The following CCDC102B variants were observed in gnomAD, a reference collection of about 807,000 sequenced individuals.
The protein encoded by CCDC102B is coiled-coil domain-containing protein 102B.
In CCDC102B, 75 loss-of-function variants were observed where a neutral mutation model predicts 57.4. The ratio of observed to expected loss-of-function variants is 1.31; its 90% CI spans 1.08 to 1.58. CCDC102B has a LOEUF of 1.58. Ranked by LOEUF, CCDC102B falls within the 40% of genes most tolerant of loss-of-function variation. CCDC102B has a pLI of 0.00. For missense variants in CCDC102B, 636 were observed against 582.6 expected (o/e 1.09, Z -0.94); for synonymous variants, 206 against 201.9 (o/e 1.02, Z -0.17).
At chr18:68,916,097 A>G (rs944326294) in intron 6 of CCDC102B, among the ~76,000 whole-genome samples, 2 of 152,172 alleles carry the variant, frequency 1.3e-5, no homozygotes. Flanking sequence ...CATGTAGTCA[A>G]CAAACATTTT....
intron 6 of CCDC102B, among the ~76,000 whole-genome samples, chr18:68,947,532 A>C (rs973443046): frequency 1.3e-5 from 2 of 152,046 alleles, no homozygotes; most frequent in African/African-American, 4.8e-5. Flanking sequence ...CTAGATCTCT[A>C]ATTTTTATGC....
intron 1 of CCDC102B, among the ~76,000 whole-genome samples, chr18:68,807,801 A>C (rs2036086539): frequency 6.6e-6 from 1 of 152,280 alleles, no homozygotes; most frequent in Non-Finnish European, 1.5e-5. Flanking sequence ...TTTCTAGTTA[A>C]ATTTTTTATT....
At chr18:68,842,036 G>A (rs1170948345) in intron 3 of CCDC102B, among the ~76,000 whole-genome samples, 2 of 152,056 alleles carry the variant, frequency 1.3e-5, no homozygotes, top group African/African-American at 4.8e-5. Context: ...ACTGCGCCCA[G>A]CCCATTTTGT....
At chr18:68,893,473 T>G (rs1388065176) in intron 5 of CCDC102B, among the ~76,000 whole-genome samples, 1 of 152,160 alleles carries the variant, frequency 6.6e-6, no homozygotes, top group Non-Finnish European at 1.5e-5. Context: ...GTAACTGGAT[T>G]CTTTTAGAGT....
At chr18:68,914,841 C>G (rs1261623461) in intron 6 of CCDC102B, among the ~76,000 whole-genome samples, 3 of 152,278 alleles carry the variant, frequency 2.0e-5, no homozygotes, top group African/African-American at 7.2e-5. Context: ...GAACTCAACT[C>G]TCATTTATAT....
chr18:69,043,585 T>C (rs2052486446), intron 7 of CCDC102B, among the ~76,000 whole-genome samples: 1 of 152,130 alleles, frequency 6.6e-6, no homozygotes, highest in Admixed American at 6.6e-5. Flanking sequence ...TTAAGGAGCA[T>C]GCTGCCTTCA....
At chr18:68,872,211 G>A (rs2039265360) in intron 4 of CCDC102B, among the ~76,000 whole-genome samples, 1 of 152,290 alleles carries the variant, frequency 6.6e-6, no homozygotes, top group East Asian at 1.9e-4. Flanking sequence ...TAGAGGTGTT[G>A]AGTAGGAAGT....
At chr18:68,953,996 C>T (rs938164981) in intron 6 of CCDC102B, among the ~76,000 whole-genome samples, 2 of 150,978 alleles carry the variant, frequency 1.3e-5, no homozygotes, top group African/African-American at 2.4e-5. Context: ...ACTGGAGAGA[C>T]CATGTTATGT....
At chr18:68,993,459 C>T (rs1486031707) in intron 6 of CCDC102B, 1 of 152,210 alleles carries the variant, frequency 6.6e-6, no homozygotes, top group Non-Finnish European at 1.5e-5. Context: ...CATTTCTTCC[C>T]TCTTTTCCTG....
At chr18:68,733,478 T>TTA (rs1301629816) in intron 2 of CCDC102B, among the ~76,000 whole-genome samples, 6 of 25,142 alleles carry the variant, frequency 2.4e-4, no homozygotes, top group African/African-American at 8.1e-4. Flanking sequence ...TTAGACAACT[T>TTA]TATATATATA....
At chr18:68,805,112 A>G (rs2035986870) in intron 1 of CCDC102B, among the ~76,000 whole-genome samples, 1 of 152,212 alleles carries the variant, frequency 6.6e-6, no homozygotes, top group South Asian at 2.1e-4. Context: ...CATAGATATG[A>G]TGGAACCAGT....
At chr18:68,893,799 TAC>T (rs2040155839) in intron 5 of CCDC102B, among the ~76,000 whole-genome samples, 1 of 152,150 alleles carries the variant, frequency 6.6e-6, no homozygotes, top group Non-Finnish European at 1.5e-5. Flanking sequence ...ATCACAATAT[TAC>T]AGTTTTTACA....
intron 6 of CCDC102B, among the ~76,000 whole-genome samples, chr18:68,945,418 G>A (rs1436722082): frequency 6.6e-6 from 1 of 151,942 alleles, no homozygotes; most frequent in Non-Finnish European, 1.5e-5. Flanking sequence ...CTTACCATGA[G>A]CAGCTCAAAA....
chr18:68,729,694 A>G, intron 2 of CCDC102B, among the ~76,000 whole-genome samples: 1 of 152,226 alleles, frequency 6.6e-6, no homozygotes, highest in Non-Finnish European at 1.5e-5. Flanking sequence ...GCAAAACATG[A>G]AAGTCTTGAT....
At chr18:68,848,176 G>A (rs2037960662) in intron 4 of CCDC102B, among the ~76,000 whole-genome samples, 1 of 151,796 alleles carries the variant, frequency 6.6e-6, no homozygotes, top group African/African-American at 2.4e-5. Context: ...TGTAGCACAA[G>A]TATAAGAGTA....
chr18:69,015,641 C>T (rs2051644033), intron 7 of CCDC102B, among the ~76,000 whole-genome samples: 1 of 152,038 alleles, frequency 6.6e-6, no homozygotes, highest in Non-Finnish European at 1.5e-5. Flanking sequence ...GTCCTCTGTA[C>T]TGTAGAGAGA....
intron 2 of CCDC102B, among the ~76,000 whole-genome samples, chr18:68,739,397 C>G (rs956102857): frequency 5.3e-5 from 8 of 152,176 alleles, no homozygotes; most frequent in Non-Finnish European, 7.3e-5. Flanking sequence ...TGCTTTTACT[C>G]ACCCCATCCC....
At chr18:68,977,377 T>C (rs2050465920) in intron 6 of CCDC102B, among the ~76,000 whole-genome samples, 1 of 151,942 alleles carries the variant, frequency 6.6e-6, no homozygotes, top group African/African-American at 2.4e-5. Flanking sequence ...CAACCCACCA[T>C]TTACATTAAG....
intron 6 of CCDC102B, among the ~76,000 whole-genome samples, chr18:68,999,603 TTTTGTTTGTTTGTTTG>T (rs143073155): frequency 0.021 from 3,142 of 151,936 alleles, 106 homozygotes; most frequent in East Asian, 0.15. Flanking sequence ...AAGATTCTGG[TTTTGTTTGTTTGTTTG>T]TTTGTTTGTT....
Sources: allele counts gnomAD v4.1 joint callset (sites outside exome capture counted in the v4.1 genomes callset), GRCh38; gene constraint gnomAD v4.1.1; transcripts MANE v1.5; gene names NCBI Gene and HGNC (gene_info 2026-07-23, HGNC 2026-07-21).